The following COL12A1 variants were observed in gnomAD, a reference collection of about 807,000 sequenced individuals.
COL12A1 encodes the protein collagen type XII alpha 1 chain.
Under a neutral mutation model 349.7 loss-of-function variants are expected in COL12A1, and 114 were observed. That is an observed-to-expected ratio of 0.33 (90% CI 0.28 to 0.38). The LOEUF is 0.38. COL12A1 is among the 10% of genes least tolerant of loss of function. The pLI, the probability that COL12A1 is intolerant of heterozygous loss-of-function variation, is 1.00. For synonymous variants in COL12A1, 1,369 were observed against 1,329.0 expected, an observed-to-expected ratio of 1.03 and a Z score of -0.66; for missense variants, 3,284 against 3,756.9, an observed-to-expected ratio of 0.87 and a Z score of 3.29.
In COL12A1 at chr6:75,180,184, A is replaced by T. The variant is rs558703356; in HGVS notation, c.2164+755T>A. ...GAATATTATTCAACCATAAGTAGAG[A>T]GAGCATTCTGACACACGCTACGACA... is the stretch of plus-strand genomic sequence containing the variant. On this transcript the variant is annotated intron_variant, in intron 11 of 65. Coordinates refer to ENST00000322507, the MANE Select transcript of COL12A1 (RefSeq NM_004370.6). Among the ~76,000 whole-genome samples, 26 of 152,376 alleles carry T rather than the reference A, an allele frequency of 1.7e-4. 1 individual carries two copies. The South Asian group carries it at 4.6e-3, about 27-fold the overall frequency.
chr6:75,176,801 T>C (rs1768982688), intron 12 of COL12A1, among the ~76,000 whole-genome samples: 1 of 152,198 alleles, frequency 6.6e-6, no homozygotes, highest in Admixed American at 6.5e-5. Flanking sequence ...TAACTTTTCA[T>C]TATTGCTAAT....
intron 31 of COL12A1, among the ~76,000 whole-genome samples, chr6:75,135,753 G>A (rs577633001): frequency 5.1e-4 from 77 of 152,120 alleles, no homozygotes; most frequent in South Asian, 8.3e-4. Context: ...TCCTCAATAC[G>A]GACAAACTGA....
chr6:75,156,225 C>T (rs1767753511), intron 15 of COL12A1, 32 bp downstream of exon 15: 1 of 1,607,412 alleles, frequency 6.2e-7, no homozygotes, highest in African/African-American at 1.3e-5. Flanking sequence ...ATTACCTTCT[C>T]TCCCCCTCAA....
chr6:75,180,721 T>A (rs548287026), intron 11 of COL12A1, among the ~76,000 whole-genome samples: 2 of 152,254 alleles, frequency 1.3e-5, no homozygotes, highest in Admixed American at 1.3e-4. Flanking sequence ...CTAGGTCTCC[T>A]AACTTCAAAT....
At chr6:75,107,523 G>C (rs1316085199) in intron 52 of COL12A1, among the ~76,000 whole-genome samples, 1 of 151,850 alleles carries the variant, frequency 6.6e-6, no homozygotes, top group African/African-American at 2.4e-5. Context: ...CACCCGCCTC[G>C]GCCTCCCAAA....
chr6:75,192,177 AT>A, intron 4 of COL12A1, 34 bp downstream of exon 4: 2 of 1,412,136 alleles, frequency 1.4e-6, no homozygotes, highest in Non-Finnish European at 1.9e-6. Context: ...CAAAATAAAA[AT>A]TATACAAATA....
At chr6:75,151,058 G>GGCCC in intron 21 of COL12A1, 83 bp downstream of exon 21, 1 of 368,970 alleles carries the variant, frequency 2.7e-6, no homozygotes, top group Non-Finnish European at 5.2e-6. Flanking sequence ...ACAAAATAGT[G>GGCCC]CCCTCCCCCC....
At chr6:75,193,031 C>T (rs771686843) in intron 3 of COL12A1, among the ~76,000 whole-genome samples, 10 of 152,088 alleles carry the variant, frequency 6.6e-5, no homozygotes, top group South Asian at 2.1e-4. Context: ...CTGGGAATTA[C>T]GTGCCTGATA....
In COL12A1 at chr6:75,151,167, T is replaced by G; in HGVS notation, c.4121A>C (p.Asn1374Thr). 6.4e-7 allele frequency: 1 copy of G among 1,551,722 alleles called. No homozygotes were observed. Among genetic ancestry groups the G allele is most frequent in the Non-Finnish European group, 8.7e-7 (1 of 1,144,064 alleles). Residue 1374 changes from asparagine (N) to threonine (T), a missense_variant, in exon 21 of 66, where the codon AAT becomes ACT. Physicochemically the swap from Asn to Thr is moderately conservative, Grantham distance 65. Around this residue, in one of 2 missense-constraint regions of COL12A1, gnomAD observed 2,601 missense variants for 2,824.8 expected, o/e 0.92. Transcript: ENST00000322507. The part of the protein sequence containing the change: ...LSRIVDDLTI[N>T]LCNSVKGPGD... ...TGGACCTTTGACACTGTTACACAAA[T>G]TAATGGTGAGATCATCCACTATCCT...
intron 1 of COL12A1, among the ~76,000 whole-genome samples, chr6:75,203,495 A>C (rs558492281): frequency 6.6e-6 from 1 of 152,358 alleles, no homozygotes; most frequent in African/African-American, 2.4e-5. Context: ...AAAATGGAAG[A>C]AGCAAGACAC....
rs767047264 is a variant in COL12A1 at position 75,165,520 on chromosome 6, A to G, written c.2970T>C (p.Asp990=). The change falls in exon 14 of 66, where the codon GAT becomes GAC. Residue 990 remains aspartate, a synonymous_variant. Coordinates refer to ENST00000322507, the MANE Select transcript of COL12A1 (RefSeq NM_004370.6). ...AATGTTACCTACATTCAGTTGTGGC[A>G]TCTCCAGTCAAAGGTTCTCCTTCTC... ...SSGEGEPLTG[D]ATTELSQDSK... 6.2e-7 allele frequency: 1 copy of G among 1,613,428 alleles called. No individual in the cohort carries two copies. The highest frequency in any genetic ancestry group is 8.5e-7 in the Non-Finnish European group (1 of 1,179,788).
Position 75,188,482 on chromosome 6 carries a change from G to C in COL12A1, c.877C>G (p.Leu293Val). 6.2e-7 allele frequency: 1 copy of C among 1,613,486 alleles called. No individual in the cohort carries two copies. The highest frequency in any genetic ancestry group is 8.5e-7 in the Non-Finnish European group (1 of 1,179,630). ...ELKQIASTPS[L>V]NHVFNVANFD... is the part of the protein sequence containing the mutation. ...TTGGCCACATTGAAAACATGGTTCA[G>C]TGAAGGTGTGGAGGCAATTTGTTTG... The change falls in exon 8 of 66, where the codon CTG becomes GTG. Residue 293 changes from leucine to valine, a missense_variant. Physicochemically the swap from Leu to Val is conservative, Grantham distance 32. This residue lies in a region of COL12A1 where 2,601 missense variants were observed against 2,824.8 expected (regional missense o/e 0.92). Coordinates refer to ENST00000322507, the MANE Select transcript of COL12A1 (RefSeq NM_004370.6).
chr6:75,163,275 G>T (rs1258619592), intron 14 of COL12A1, among the ~76,000 whole-genome samples: 1 of 152,086 alleles, frequency 6.6e-6, no homozygotes, highest in East Asian at 1.9e-4. Context: ...ATGCCCATCA[G>T]TGACAGACTG....
chr6:75,109,401 T>A lies in COL12A1; in HGVS notation c.7951-234A>T, dbSNP rs79617818. ...CTCAGTTTCCTACAAACACATACAC[T>A]TGCATAATTTCTTATTTTCCCACTA... On this transcript the variant is annotated intron_variant, in intron 51 of 65. Coordinates refer to ENST00000322507, the MANE Select transcript of COL12A1 (RefSeq NM_004370.6). 0.039 allele frequency among the ~76,000 whole-genome samples: 5,971 copies of A among 152,176 alleles called. 209 individuals are homozygous for A. The highest frequency in any genetic ancestry group is 0.19 in the East Asian group (964 of 5,164).
intron 43 of COL12A1, 57 bp from the exon 44 acceptor site, chr6:75,121,498 GA>G: frequency 6.9e-7 from 1 of 1,459,240 alleles, no homozygotes. Flanking sequence ...TCATTTAAAT[GA>G]AATCACATAA....
intron 54 of COL12A1, among the ~76,000 whole-genome samples, chr6:75,104,760 T>A (rs1037517809): frequency 3.3e-5 from 5 of 152,186 alleles, no homozygotes; most frequent in African/African-American, 1.2e-4. Context: ...TAAATTACCC[T>A]CTCTATATGT....
At chr6:75,140,624 G>A (rs1266512537) in intron 27 of COL12A1, among the ~76,000 whole-genome samples, 1 of 141,018 alleles carries the variant, frequency 7.1e-6, no homozygotes, top group Admixed American at 7.3e-5. Flanking sequence ...CCACTGCACT[G>A]CAGCCTGGGT....
At chr6:75,106,380 T>C (rs776062718) in intron 53 of COL12A1, 39 bp downstream of exon 53, 3 of 1,539,288 alleles carry the variant, frequency 1.9e-6, no homozygotes, top group Non-Finnish European at 2.7e-6. Flanking sequence ...ACTGGGGGAC[T>C]GTTAAAGCCA....
chr6:75,202,580 G>A lies in COL12A1; in HGVS notation c.73+140C>T, dbSNP rs181066072. ...TGGACAAACCTCAGGAGAAAGGGGC[G>A]TTTCTCTGAAGGAGAGAAACCACCG... is the stretch of plus-strand genomic sequence containing the variant. On this transcript the variant is annotated intron_variant, in intron 2 of 65. Coordinates refer to ENST00000322507, the MANE Select transcript of COL12A1 (RefSeq NM_004370.6). 416 of 778,338 alleles carry A rather than the reference G, an allele frequency of 5.3e-4. 3 individuals carry two copies. The Admixed American group carries it at 1.0e-2, about 19-fold the overall frequency. The allele number at this position is 778,338 out of a possible 1,614,324, so 48.2% of individuals were successfully genotyped here.
Sources: allele counts gnomAD v4.1 joint callset (sites outside exome capture counted in the v4.1 genomes callset), GRCh38; gene constraint gnomAD v4.1.1; regional missense constraint gnomAD v4.1.1; transcripts MANE v1.5; gene names NCBI Gene and HGNC (gene_info 2026-07-23, HGNC 2026-07-21).